Variants in SCART1 observed in about 807,000 individuals in gnomAD.
SCART1 encodes the protein scavenger receptor family member expressed on T cells 1, also known as scavenger receptor cysteine-rich domain-containing protein SCART1.
Under a neutral mutation model 36.2 loss-of-function variants are expected in SCART1, and 62 were observed. The observed-to-expected ratio is 1.71, with a 90% CI of 1.40 to 2.12. The LOEUF (loss-of-function observed/expected upper bound fraction) is 2.12, where lower values mean the gene tolerates loss of function less well. Ranked by LOEUF, SCART1 falls within the 30% of genes most tolerant of loss-of-function variation. SCART1 has a pLI of 0.00. For missense variants in SCART1, 1,041 were observed against 540.5 expected (o/e 1.93, Z -9.18); for synonymous variants, 487 against 238.7 (o/e 2.04, Z -9.59).
At chr10:133,462,659 C>T (rs945365474) in intron 6 of SCART1, among the ~76,000 whole-genome samples, 1 of 152,184 alleles carries the variant, frequency 6.6e-6, no homozygotes, top group African/African-American at 2.4e-5. Context: ...CCGTCCCAGC[C>T]GGGCTCCCTT....
At chr10:133,456,446 C>T (rs778633960) in exon 2 of SCART1, 3 of 702,602 alleles carry the variant, frequency 4.3e-6, no homozygotes, top group African/African-American at 3.5e-5. Flanking sequence ...GCCCTGGCTT[C>T]ACAACGTGTC....
intron 3 of SCART1, chr10:133,458,122 G>A: frequency 2.9e-6 from 2 of 688,594 alleles, no homozygotes; most frequent in South Asian, 3.0e-5. Context: ...TGAAATACGT[G>A]AGCACCTGCA....
chr10:133,461,949 T>G (rs1424382016), intron 6 of SCART1, among the ~76,000 whole-genome samples: 1 of 152,246 alleles, frequency 6.6e-6, no homozygotes, highest in East Asian at 1.9e-4. Context: ...TGAGCTGGCA[T>G]CTACAGGCAC....
downstream of SCART1, among the ~76,000 whole-genome samples, chr10:133,469,745 A>T (rs185382633): frequency 2.0e-4 from 30 of 152,318 alleles, no homozygotes; most frequent in African/African-American, 3.6e-4. Flanking sequence ...AGAATAATTT[A>T]AAAAAATTTG....
chr10:133,466,677 T>C (rs904808148), intron 10 of SCART1, among the ~76,000 whole-genome samples: 1 of 152,214 alleles, frequency 6.6e-6, no homozygotes, highest in Non-Finnish European at 1.5e-5. Context: ...CTAGAACTTA[T>C]ATACCTCAGG....
At chr10:133,458,588 T>G (rs1345139890) in exon 4 of SCART1, 1 of 690,334 alleles carries the variant, frequency 1.4e-6, no homozygotes, top group Non-Finnish European at 2.6e-6. Flanking sequence ...GAGTCGCTGC[T>G]GTTCCACTGC....
exon 12 of SCART1, chr10:133,467,974 C>T: frequency 1.5e-6 from 1 of 684,692 alleles, no homozygotes; most frequent in Non-Finnish European, 2.7e-6. Flanking sequence ...TGTAAAGCAA[C>T]CTGAGGATGA....
exon 6 of SCART1, chr10:133,459,857 C>G (rs1182386063): frequency 1.8e-6 from 1 of 563,228 alleles, no homozygotes; most frequent in East Asian, 3.3e-5. Flanking sequence ...TCCCGGGCGC[C>G]CTGACTCTGT....
rs779996305 is a variant in SCART1 at position 133,464,909 on chromosome 10, C to T, written c.2273C>T (p.Ala758Val). The T allele has an allele frequency of 7.3e-4, 513 of 702,948 alleles. 1 individual carries two copies. The highest frequency in any genetic ancestry group is 1.1e-3 in the Non-Finnish European group (410 of 384,998). 43.5% of individuals were successfully genotyped at this position (702,948 alleles called of 1,614,324 possible). ...CCCGCACTCTTGCGACCTTCGAGAGCAGGTCTGGATTACCTGTGCAGGTGG... is the reference window on the plus strand; with the variant it reads ...CCCGCACTCTTGCGACCTTCGAGAGTAGGTCTGGATTACCTGTGCAGGTGG... Residue 758 changes from alanine to valine, a missense_variant and splice_region_variant, in exon 7 of 12, where the codon GCA (alanine) becomes GTA (valine). Transcript: ENST00000640237.
chr10:133,459,874 A>G (rs1226592442), exon 6 of SCART1: 1 of 551,662 alleles, frequency 1.8e-6, no homozygotes, highest in Non-Finnish European at 3.2e-6. Flanking sequence ...CTGTCTCTCC[A>G]CAGGGAGCCT....
chr10:133,465,365 C>T (rs1479385930), exon 9 of SCART1: 2 of 677,968 alleles, frequency 2.9e-6, no homozygotes, highest in East Asian at 2.8e-5. Flanking sequence ...CTGGCGGACG[C>T]GGAGGTCGTG....
intron 3 of SCART1, chr10:133,458,086 T>C (rs1489639113): frequency 1.5e-6 from 1 of 657,846 alleles, no homozygotes. Flanking sequence ...GGTGTTGCTG[T>C]CATGGCCTCG....
intron 6 of SCART1, among the ~76,000 whole-genome samples, chr10:133,463,062 C>A (rs1850720521): frequency 6.6e-6 from 1 of 152,194 alleles, no homozygotes; most frequent in Admixed American, 6.5e-5. Context: ...TATTACAGTG[C>A]TCCATGGCAC....
At chr10:133,465,404 T>C (rs1437969840) in exon 9 of SCART1, 1 of 604,482 alleles carries the variant, frequency 1.7e-6, no homozygotes, top group Non-Finnish European at 2.9e-6. Context: ...GGTCGGGCCG[T>C]CGCCGCCCTG....
intron 10 of SCART1, chr10:133,466,971 T>C (rs559816056): frequency 1.1e-4 from 48 of 443,632 alleles, no homozygotes; most frequent in Non-Finnish European, 1.4e-4. Context: ...AGGCAGCACA[T>C]TGGGGCCCAC....
chr10:133,460,490 T>A lies in SCART1; in HGVS notation c.1969+320T>A, dbSNP rs5789164. On this transcript the variant is annotated intron_variant, in intron 6 of 11. Transcript: ENST00000640237. ...GAAATTCATATATATATATATATATTTATATATTTTAAAAAATATTTTATA... is the reference window on the plus strand; with the variant it reads ...GAAATTCATATATATATATATATATATATATATTTTAAAAAATATTTTATA... 4.3e-3 allele frequency among the ~76,000 whole-genome samples: 440 copies of A among 102,034 alleles called. 9 individuals are homozygous for A. Among genetic ancestry groups the A allele is most frequent in the South Asian group, 0.039 (104 of 2,658 alleles). 66.9% of individuals were successfully genotyped at this position (102,034 alleles called of 152,430 possible).
rs117201785 is a variant in SCART1 at position 133,461,925 on chromosome 10, C to G, written c.1969+1755C>G. Among the ~76,000 whole-genome samples the G allele has an allele frequency of 7.9e-3, 1,200 of 152,364 alleles. 11 individuals carry two copies. The highest frequency in any genetic ancestry group is 0.048 in the Middle Eastern group (14 of 294). ...ATTTGTTTTTCTGTGAAGCTTCATT[C>G]TGGGGACCCCATCTGAGCTGGCATC... On this transcript the variant is annotated intron_variant, in intron 6 of 11. Transcript: ENST00000640237.
chr10:133,464,617 C>T, exon 7 of SCART1: 1 of 654,542 alleles, frequency 1.5e-6, no homozygotes, highest in Non-Finnish European at 2.8e-6. Context: ...GTCGGTGGCT[C>T]TGAGGCTGCG....
intron 4 of SCART1, 113 bp downstream of exon 4, chr10:133,458,769 C>T (rs1344571413): frequency 8.9e-6 from 6 of 673,086 alleles, no homozygotes; most frequent in Non-Finnish European, 1.6e-5. Context: ...TTGATGTTTG[C>T]TTCTGTTGGT....
Sources: gnomAD v4.1 joint callset for allele counts (sites outside exome capture counted in the v4.1 genomes callset) on GRCh38, gnomAD v4.1.1 for gene constraint, MANE v1.5 for transcripts, NCBI Gene and HGNC (gene_info 2026-07-23, HGNC 2026-07-21) for gene names.